SLC9A9: variants seen among roughly 807,000 people sequenced by gnomAD.
The protein encoded by SLC9A9 is sodium/hydrogen exchanger 9.
In SLC9A9, 62 loss-of-function variants were observed where a neutral mutation model predicts 77.8. The ratio of observed to expected loss-of-function variants is 0.80; its 90% CI spans 0.65 to 0.98. The LOEUF is 0.98. Among genes scored for constraint, SLC9A9 ranks in the 50% least tolerant of loss-of-function variants. SLC9A9 has a pLI of 0.00. For missense variants in SLC9A9, 775 were observed against 774.9 expected (o/e 1.00, Z 0.00); for synonymous variants, 320 against 283.5 (o/e 1.13, Z -1.29).
At chr3:143,388,697 G>A (rs1186788515) in intron 12 of SLC9A9, among the ~76,000 whole-genome samples, 1 of 152,148 alleles carries the variant, frequency 6.6e-6, no homozygotes, top group Non-Finnish European at 1.5e-5. Flanking sequence ...AAAGACAAGA[G>A]CGGCTTTTCC....
chr3:143,776,416 G>C (rs2007694140), intron 4 of SLC9A9, among the ~76,000 whole-genome samples: 2 of 152,148 alleles, frequency 1.3e-5, no homozygotes, highest in African/African-American at 4.8e-5. Flanking sequence ...ATACAGTGGA[G>C]TTATAAACTA....
chr3:143,724,887 G>A (rs566686037), intron 4 of SLC9A9, among the ~76,000 whole-genome samples: 1 of 152,076 alleles, frequency 6.6e-6, no homozygotes, highest in South Asian at 2.1e-4. Context: ...GATGCCAGGA[G>A]AGCCTTTCAG....
chr3:143,662,719 A>G (rs2038998687), intron 5 of SLC9A9, among the ~76,000 whole-genome samples: 1 of 152,010 alleles, frequency 6.6e-6, no homozygotes, highest in South Asian at 2.1e-4. Flanking sequence ...GCAGTCCGAG[A>G]TGAAATTGCG....
At position 143,266,857 on chromosome 3, in the gene SLC9A9, C is replaced by CT; in HGVS notation, c.1782dup (p.Ala595SerfsTer29). Reference sequence around the variant, plus strand: ...GCAGGAGGACTGCAGGGTGAGGAGGCTTGCTCCTGGTAATTTATGGCTAGT... The same window carrying CT: ...GCAGGAGGACTGCAGGGTGAGGAGGCTTTGCTCCTGGTAATTTATGGCTAGT... On this transcript the variant is annotated frameshift_variant, in exon 16 of 16. Transcript: ENST00000316549. LOFTEE classifies it high-confidence loss of function. 6.2e-7 allele frequency: 1 copy of CT among 1,614,184 alleles called. No homozygotes were observed. The highest frequency in any genetic ancestry group is 2.2e-5 in the East Asian group (1 of 44,876).
intron 1 of SLC9A9, among the ~76,000 whole-genome samples, chr3:143,843,617 G>A (rs2009761195): frequency 6.6e-6 from 1 of 152,146 alleles, no homozygotes; most frequent in Non-Finnish European, 1.5e-5. Context: ...GGAAGTCAAA[G>A]GCAGAATTCT....
intron 4 of SLC9A9, among the ~76,000 whole-genome samples, chr3:143,706,146 T>G (rs1933967792): frequency 6.6e-6 from 1 of 152,222 alleles, no homozygotes; most frequent in Non-Finnish European, 1.5e-5. Flanking sequence ...CTGCAAAATC[T>G]GTCCTACCGT....
intron 14 of SLC9A9, among the ~76,000 whole-genome samples, chr3:143,356,964 C>G (rs1277445501): frequency 2.0e-5 from 3 of 152,092 alleles, no homozygotes; most frequent in African/African-American, 4.8e-5. Flanking sequence ...GTGTTATTAA[C>G]CAGGGGATGG....
chr3:143,563,831 G>T (rs1324677003), intron 8 of SLC9A9, among the ~76,000 whole-genome samples: 4 of 152,060 alleles, frequency 2.6e-5, no homozygotes, highest in African/African-American at 9.7e-5. Flanking sequence ...TAATATAAAT[G>T]GTTCAGTTTT....
intron 2 of SLC9A9, among the ~76,000 whole-genome samples, chr3:143,831,396 T>C (rs2009430949): frequency 6.6e-6 from 1 of 152,216 alleles, no homozygotes; most frequent in Admixed American, 6.5e-5. Flanking sequence ...ACTGAAGCCG[T>C]TCACAAATCT....
At chr3:143,430,038 G>A (rs902387640) in intron 12 of SLC9A9, among the ~76,000 whole-genome samples, 3 of 152,184 alleles carry the variant, frequency 2.0e-5, no homozygotes, top group Non-Finnish European at 4.4e-5. Flanking sequence ...CCAAGTTTAG[G>A]TTCAAGCCAC....
chr3:143,804,883 T>C (rs1023185741), intron 2 of SLC9A9, among the ~76,000 whole-genome samples: 1 of 152,188 alleles, frequency 6.6e-6, no homozygotes, highest in African/African-American at 2.4e-5. Flanking sequence ...ACAAACTTTA[T>C]CAGTCCTCCA....
intron 4 of SLC9A9, among the ~76,000 whole-genome samples, chr3:143,695,301 C>T (rs1387654471): frequency 3.9e-5 from 6 of 152,156 alleles, no homozygotes; most frequent in Non-Finnish European, 8.8e-5. Context: ...CTGTCATCTA[C>T]ATTAGGTATT....
At chr3:143,785,437 T>A (rs1289361586) in intron 4 of SLC9A9, among the ~76,000 whole-genome samples, 1 of 152,112 alleles carries the variant, frequency 6.6e-6, no homozygotes, top group African/African-American at 2.4e-5. Context: ...ACCAGACAGG[T>A]GAGTGGGCCC....
intron 6 of SLC9A9, among the ~76,000 whole-genome samples, chr3:143,586,506 T>C (rs533758355): frequency 3.9e-5 from 6 of 152,152 alleles, no homozygotes; most frequent in Admixed American, 6.5e-5. Context: ...AGGAAGCAAG[T>C]AGATGAAAAA....
At chr3:143,816,392 T>C (rs936190444) in intron 2 of SLC9A9, among the ~76,000 whole-genome samples, 8 of 152,174 alleles carry the variant, frequency 5.3e-5, no homozygotes, top group African/African-American at 1.9e-4. Flanking sequence ...TTTTGTATAT[T>C]TGTATGTTTT....
chr3:143,361,882 T>G (rs779993643), intron 14 of SLC9A9, among the ~76,000 whole-genome samples: 10 of 152,214 alleles, frequency 6.6e-5, no homozygotes, highest in Non-Finnish European at 1.3e-4. Flanking sequence ...TTTTCTTCAT[T>G]GTAAAGCTTT....
chr3:143,687,739 G>GC (rs1933318030), intron 5 of SLC9A9, among the ~76,000 whole-genome samples: 2 of 120,732 alleles, frequency 1.7e-5, no homozygotes, highest in South Asian at 7.0e-4. Context: ...AGTTTTGTCT[G>GC]TTAAAAAAAA....
chr3:143,293,287 A>G (rs2030098730), intron 14 of SLC9A9, among the ~76,000 whole-genome samples: 2 of 152,184 alleles, frequency 1.3e-5, no homozygotes, highest in South Asian at 4.1e-4. Flanking sequence ...GCAGGGCTTA[A>G]TAAGTGGCCT....
intron 6 of SLC9A9, among the ~76,000 whole-genome samples, chr3:143,624,033 TG>T (rs2108717302): frequency 6.6e-6 from 1 of 152,336 alleles, no homozygotes; most frequent in South Asian, 2.1e-4. Flanking sequence ...GATAAATTCC[TG>T]GACACATACA....
Sources: allele counts gnomAD v4.1 joint callset (sites outside exome capture counted in the v4.1 genomes callset), GRCh38; gene constraint gnomAD v4.1.1; transcripts MANE v1.5; gene names NCBI Gene and HGNC (gene_info 2026-07-23, HGNC 2026-07-21).